The following GRIN2A variants were observed in gnomAD, a reference collection of about 807,000 sequenced individuals.
GRIN2A encodes the protein glutamate ionotropic receptor NMDA type subunit 2A, also known as glutamate receptor ionotropic, NMDA 2A.
GRIN2A carries 22 observed loss-of-function variants against 113.4 expected under a neutral mutation model. The observed-to-expected ratio is 0.19, with a 90% CI of 0.14 to 0.28. The LOEUF is 0.28. GRIN2A is among the 10% of genes least tolerant of loss of function. The pLI, the probability that GRIN2A is intolerant of heterozygous loss-of-function variation, is 1.00. For missense variants in GRIN2A, 1,502 were observed against 1,887.0 expected, an observed-to-expected ratio of 0.80 and a Z score of 3.78; for synonymous variants, 827 against 738.4, an observed-to-expected ratio of 1.12 and a Z score of -1.94.
chr16:10,113,491 C>G (rs772116701), intron 2 of GRIN2A, among the ~76,000 whole-genome samples: 24 of 152,238 alleles, frequency 1.6e-4, no homozygotes, highest in Admixed American at 1.3e-4. Context: ...TCCCCATATA[C>G]CATTCCTGCC....
intron 2 of GRIN2A, among the ~76,000 whole-genome samples, chr16:9,994,856 G>T (rs2046192976): frequency 1.3e-5 from 2 of 152,156 alleles, no homozygotes; most frequent in Admixed American, 1.3e-4. Context: ...ATTCCTGGCT[G>T]GGATCTTGAT....
At chr16:9,876,303 T>C (rs919559536) in intron 4 of GRIN2A, among the ~76,000 whole-genome samples, 1 of 152,196 alleles carries the variant, frequency 6.6e-6, no homozygotes, top group Admixed American at 6.5e-5. Context: ...GCATATTACA[T>C]ATGTGTCAAA....
intron 11 of GRIN2A, among the ~76,000 whole-genome samples, chr16:9,788,788 G>A: frequency 6.9e-6 from 1 of 145,708 alleles, no homozygotes; most frequent in East Asian, 2.0e-4. Context: ...TGTTGCCCAG[G>A]CTAGAGTGCA....
Position 9,929,062 on chromosome 16 carries a change from T to C in GRIN2A, c.1007+8897A>G, listed in dbSNP as rs537276265. Among the ~76,000 whole-genome samples the C allele has an allele frequency of 6.5e-4, 99 of 152,310 alleles. 1 individual carries two copies. Among genetic ancestry groups the C allele is most frequent in the African/African-American group, 2.3e-3 (94 of 41,556 alleles). On this transcript the variant is annotated intron_variant, in intron 3 of 12. Transcript: ENST00000330684. ...CACCTGGAATTTACAGCGTAACTCT[T>C]TCTCTCCAACATTCTCCTTTCCCTT...
intron 9 of GRIN2A, among the ~76,000 whole-genome samples, chr16:9,826,806 GGTCA>G (rs2042396756): frequency 6.6e-6 from 1 of 152,130 alleles, no homozygotes; most frequent in Non-Finnish European, 1.5e-5. Context: ...AGTCAGTGAA[GGTCA>G]GTCAAATTAT....
At chr16:10,031,335 C>T (rs1567246241) in intron 2 of GRIN2A, 1 of 152,228 alleles carries the variant, frequency 6.6e-6, no homozygotes, top group African/African-American at 2.4e-5. Flanking sequence ...ATGGGTGTCC[C>T]TTCACTTCAA....
At chr16:10,168,768 C>G (rs2049975999) in intron 2 of GRIN2A, among the ~76,000 whole-genome samples, 1 of 152,094 alleles carries the variant, frequency 6.6e-6, no homozygotes, top group African/African-American at 2.4e-5. Context: ...GAGTTCAAGA[C>G]CAGCCTGGCC....
At chr16:9,834,368 A>G in intron 7 of GRIN2A, 138 bp from the exon 8 acceptor site, 1 of 790,784 alleles carries the variant, frequency 1.3e-6, no homozygotes, top group African/African-American at 1.8e-5. Context: ...AAAGAAGCTA[A>G]TCATTTTTTA....
intron 5 of GRIN2A, among the ~76,000 whole-genome samples, chr16:9,848,289 T>C (rs1252769741): frequency 6.6e-6 from 1 of 150,980 alleles, no homozygotes; most frequent in African/African-American, 2.4e-5. Flanking sequence ...GATCTCGACT[T>C]ATTGCAACCT....
chr16:9,796,871 G>T (rs1386127640), intron 11 of GRIN2A, among the ~76,000 whole-genome samples: 1 of 152,158 alleles, frequency 6.6e-6, no homozygotes. Context: ...GACCAACACA[G>T]CCACAAATCA....
At chr16:10,082,421 T>C (rs545286114) in intron 2 of GRIN2A, among the ~76,000 whole-genome samples, 125 of 152,346 alleles carry the variant, frequency 8.2e-4, no homozygotes, top group Non-Finnish European at 1.6e-3. Context: ...TCTCCTCCCC[T>C]TGAGTACAGG....
chr16:9,944,217 A>G (rs1303136811), intron 2 of GRIN2A, among the ~76,000 whole-genome samples: 10 of 152,208 alleles, frequency 6.6e-5, no homozygotes, highest in Non-Finnish European at 8.8e-5. Flanking sequence ...GAGCCCTGGT[A>G]AGCCCTGATG....
At chr16:9,804,973 T>C (rs2041936768) in intron 10 of GRIN2A, among the ~76,000 whole-genome samples, 1 of 152,242 alleles carries the variant, frequency 6.6e-6, no homozygotes, top group Non-Finnish European at 1.5e-5. Flanking sequence ...TTTAACCTAG[T>C]GGTTTCCTGC....
chr16:9,958,219 T>C (rs1239162562), intron 2 of GRIN2A, among the ~76,000 whole-genome samples: 1 of 152,248 alleles, frequency 6.6e-6, no homozygotes, highest in East Asian at 1.9e-4. Flanking sequence ...ATACATTTAG[T>C]TGTTATCATA....
chr16:9,969,539 C>G (rs2045629751), intron 2 of GRIN2A, among the ~76,000 whole-genome samples: 1 of 152,136 alleles, frequency 6.6e-6, no homozygotes, highest in African/African-American at 2.4e-5. Context: ...ACTGGATGTT[C>G]ATGGTGCCCC....
intron 2 of GRIN2A, among the ~76,000 whole-genome samples, chr16:10,095,373 C>A (rs545043390): frequency 5.3e-5 from 8 of 151,880 alleles, no homozygotes; most frequent in Non-Finnish European, 1.2e-4. Flanking sequence ...AAATCTGAGA[C>A]AATTTAAGCA....
chr16:10,179,701 A>C (rs1596586374), intron 2 of GRIN2A: 2 of 474,406 alleles, frequency 4.2e-6, no homozygotes, highest in Non-Finnish European at 3.9e-6. Context: ...ACATGCCACC[A>C]CCGCCACCAC....
At chr16:9,819,661 A>AT (rs2042244904) in intron 10 of GRIN2A, among the ~76,000 whole-genome samples, 1 of 152,022 alleles carries the variant, frequency 6.6e-6, no homozygotes, top group Non-Finnish European at 1.5e-5. Flanking sequence ...ATATTGAATT[A>AT]TTTTTTAAAA....
At chr16:10,032,963 G>A (rs566703904) in intron 2 of GRIN2A, among the ~76,000 whole-genome samples, 14 of 152,174 alleles carry the variant, frequency 9.2e-5, no homozygotes, top group Non-Finnish European at 1.3e-4. Context: ...AGAGTTTCTC[G>A]AACCCATGAC....
Sources: gnomAD v4.1 joint callset for allele counts (sites outside exome capture counted in the v4.1 genomes callset) on GRCh38, gnomAD v4.1.1 for gene constraint, MANE v1.5 for transcripts, NCBI Gene and HGNC (gene_info 2026-07-23, HGNC 2026-07-21) for gene names.